DOCK4: variants seen among roughly 807,000 people sequenced by gnomAD.
The protein encoded by DOCK4 is dedicator of cytokinesis 4.
A neutral mutation model predicts 268.1 loss-of-function variants in DOCK4; 97 were observed. The ratio of observed to expected loss-of-function variants is 0.36; its 90% confidence interval spans 0.31 to 0.43. DOCK4 has a LOEUF of 0.43. Among genes scored for constraint, DOCK4 ranks in the 20% least tolerant of loss-of-function variants. The pLI is 1.00. For missense variants in DOCK4, 2,145 were observed against 2,455.7 expected (o/e 0.87, Z 2.67); for synonymous variants, 954 against 887.2 (o/e 1.08, Z -1.34).
intron 12 of DOCK4, among the ~76,000 whole-genome samples, chr7:111,923,304 G>A (rs907379571): frequency 3.3e-5 from 5 of 152,120 alleles, no homozygotes; most frequent in Admixed American, 6.5e-5. Flanking sequence ...AGTTTCCCAC[G>A]GATACCAAGC....
Position 111,742,064 on chromosome 7 carries a change from G to A in DOCK4, c.4746C>T (p.His1582=). 1 of 1,609,054 alleles carries A rather than the reference G, an allele frequency of 6.2e-7. No individual in the cohort carries two copies. The highest frequency in any genetic ancestry group is 8.5e-7 in the Non-Finnish European group (1 of 1,177,956). ...KFVPQDMRPL[H]KKLVDQFFVM... is the part of the protein sequence containing the mutation. ...CAAAGAATTGGTCAACCAGCTTTTT[G>A]TGAAGGGGTCTCATATCTTGAGGTA... Residue 1582 remains histidine (H), a synonymous_variant, in exon 45 of 53, where the codon CAC becomes CAT. Transcript: ENST00000428084.
At chr7:111,909,805 T>A (rs1216971895) in intron 13 of DOCK4, among the ~76,000 whole-genome samples, 1 of 151,652 alleles carries the variant, frequency 6.6e-6, no homozygotes, top group African/African-American at 2.4e-5. Context: ...CTCCAAATAA[T>A]AAAAAATTAG....
chr7:112,204,596 T>A (rs1009922142), intron 1 of DOCK4, among the ~76,000 whole-genome samples: 1 of 152,162 alleles, frequency 6.6e-6, no homozygotes, highest in Non-Finnish European at 1.5e-5. Flanking sequence ...TGGAAACCTT[T>A]CCCAAAGGTG....
At chr7:112,188,946 T>G (rs940386236) in intron 1 of DOCK4, among the ~76,000 whole-genome samples, 3 of 152,210 alleles carry the variant, frequency 2.0e-5, no homozygotes, top group African/African-American at 7.2e-5. Context: ...GTCACACCAC[T>G]GCAAATGAGA....
chr7:111,822,528 G>T (rs974187254), intron 26 of DOCK4, 72 bp from the exon 27 acceptor site: 17 of 1,270,890 alleles, frequency 1.3e-5, no homozygotes, highest in Non-Finnish European at 1.7e-5. Context: ...ACATACACAG[G>T]CAGTACTGTT....
intron 8 of DOCK4, among the ~76,000 whole-genome samples, chr7:111,957,958 A>C (rs1796569129): frequency 6.6e-6 from 1 of 152,178 alleles, no homozygotes; most frequent in African/African-American, 2.4e-5. Context: ...GTGTTTGCAA[A>C]TGATGTTTCC....
At chr7:111,803,935 A>C (rs564961737) in intron 30 of DOCK4, among the ~76,000 whole-genome samples, 1 of 152,340 alleles carries the variant, frequency 6.6e-6, no homozygotes, top group South Asian at 2.1e-4. Context: ...CTGTCAAAAA[A>C]CCAGGAAATA....
intron 8 of DOCK4, among the ~76,000 whole-genome samples, chr7:111,956,839 C>A (rs577180501): frequency 6.6e-6 from 1 of 152,262 alleles, no homozygotes; most frequent in South Asian, 2.1e-4. Flanking sequence ...GCAAAATAAA[C>A]TAAATTGACT....
chr7:111,904,305 T>G (rs984607313), intron 13 of DOCK4, among the ~76,000 whole-genome samples: 3 of 152,200 alleles, frequency 2.0e-5, no homozygotes, highest in African/African-American at 4.8e-5. Context: ...CAGCAAAAAT[T>G]CTTTCCCCAG....
intron 1 of DOCK4, among the ~76,000 whole-genome samples, chr7:112,177,891 A>ACCATGGGAAATC (rs1384282335): frequency 6.6e-6 from 1 of 152,222 alleles, no homozygotes; most frequent in African/African-American, 2.4e-5. Flanking sequence ...CTCTATGGAC[A>ACCATGGGAAATC]CCATGGGAAA....
intron 6 of DOCK4, among the ~76,000 whole-genome samples, chr7:111,988,754 A>G (rs997044523): frequency 3.3e-5 from 5 of 152,232 alleles, no homozygotes; most frequent in Non-Finnish European, 7.3e-5. Context: ...TGCTGTGAAC[A>G]TTTCATTTTC....
At chr7:111,762,757 G>GTTTTTTTTTT (rs1797499588) in intron 39 of DOCK4, among the ~76,000 whole-genome samples, 7 of 55,004 alleles carry the variant, frequency 1.3e-4, no homozygotes, top group African/African-American at 2.7e-4. Flanking sequence ...ATTTTGTTTT[G>GTTTTTTTTTT]TTTTCTTTTT....
At chr7:111,890,602 C>T (rs1808208128) in intron 16 of DOCK4, among the ~76,000 whole-genome samples, 1 of 152,270 alleles carries the variant, frequency 6.6e-6, no homozygotes, top group Admixed American at 6.5e-5. Context: ...TTGAAAATGA[C>T]CTTTTCCCTT....
At chr7:112,124,128 G>A (rs578177586) in intron 1 of DOCK4, among the ~76,000 whole-genome samples, 8 of 151,868 alleles carry the variant, frequency 5.3e-5, no homozygotes, top group Non-Finnish European at 1.2e-4. Flanking sequence ...GGTCTCAAGC[G>A]ATACTCCCAC....
intron 1 of DOCK4, among the ~76,000 whole-genome samples, chr7:112,169,602 GA>G (rs776947139): frequency 4.6e-5 from 7 of 152,172 alleles, no homozygotes; most frequent in Non-Finnish European, 1.0e-4. Flanking sequence ...AAGGGATGCA[GA>G]ATTAGGCAGA....
intron 30 of DOCK4, among the ~76,000 whole-genome samples, chr7:111,794,493 A>G (rs545348853): frequency 6.6e-6 from 1 of 152,344 alleles, no homozygotes; most frequent in Non-Finnish European, 1.5e-5. Context: ...AGAGGAGCTG[A>G]CTAAAGAGAC....
intron 19 of DOCK4, 23 bp from the exon 20 acceptor site, chr7:111,872,113 T>C: frequency 6.6e-7 from 1 of 1,506,552 alleles, no homozygotes; most frequent in Non-Finnish European, 8.9e-7. Context: ...AATTGAGCTT[T>C]ATAAAACTAA....
intron 1 of DOCK4, among the ~76,000 whole-genome samples, chr7:112,176,105 A>G (rs530442547): frequency 8.5e-5 from 13 of 152,154 alleles, no homozygotes; most frequent in Non-Finnish European, 1.6e-4. Flanking sequence ...CATTATTTCA[A>G]TCATTCCTTT....
chr7:111,935,437 G>A, intron 12 of DOCK4, 103 bp downstream of exon 12: 1 of 981,404 alleles, frequency 1.0e-6, no homozygotes, highest in South Asian at 1.3e-5. Flanking sequence ...GGAGTGAATA[G>A]ACAGAAAAAC....
Sources: allele counts gnomAD v4.1 joint callset (sites outside exome capture counted in the v4.1 genomes callset), GRCh38; gene constraint gnomAD v4.1.1; transcripts MANE v1.5; gene names NCBI Gene and HGNC (gene_info 2026-07-23, HGNC 2026-07-21).